The following SNRNP48 variants were observed in gnomAD, a reference collection of about 807,000 sequenced individuals.
SNRNP48 encodes the protein U11/U12 small nuclear ribonucleoprotein 48 kDa protein.
In SNRNP48, 43 loss-of-function variants were observed where a neutral mutation model predicts 47.0. The ratio of observed to expected loss-of-function variants is 0.92; its 90% CI spans 0.72 to 1.18. The LOEUF (loss-of-function observed/expected upper bound fraction) is 1.18. SNRNP48 is among the 50% of genes most tolerant of loss of function. The pLI is 0.00. For missense variants in SNRNP48, 396 were observed against 422.2 expected (o/e 0.94, Z 0.54); for synonymous variants, 138 against 144.0 (o/e 0.96, Z 0.30).
intron 8 of SNRNP48, among the ~76,000 whole-genome samples, chr6:7,608,613 T>C (rs1294221589): frequency 6.6e-6 from 1 of 152,092 alleles, no homozygotes; most frequent in African/African-American, 2.4e-5. Context: ...ATAGGAATAA[T>C]CAAAGTGATT....
At position 7,606,160 on chromosome 6, in the gene SNRNP48, G is replaced by C. The variant is rs1561715725; in HGVS notation, c.936G>C (p.Lys312Asn). ...SPHKRKRNKD[K>N]DKNCESRRRK... ...ATAAAAGAAAAAGAAACAAAGATAAGGATAAAAACTGTGAGTCGAGAAGAA... is the reference window on the plus strand; with the variant it reads ...ATAAAAGAAAAAGAAACAAAGATAACGATAAAAACTGTGAGTCGAGAAGAA... The change falls in exon 8 of 9, where the codon AAG (lysine) becomes AAC (asparagine). Residue 312 changes from lysine (K) to asparagine (N), a missense_variant. Lys to Asn is a moderately conservative substitution (Grantham distance 94). Coordinates refer to ENST00000342415, the MANE Select transcript of SNRNP48 (RefSeq NM_152551.4). 1.2e-6 allele frequency: 2 copies of C among 1,613,028 alleles called. No individual in the cohort carries two copies. Among genetic ancestry groups the C allele is most frequent in the Non-Finnish European group, 1.7e-6 (2 of 1,179,652 alleles).
At chr6:7,595,296 T>TC (rs546853846) in intron 4 of SNRNP48, among the ~76,000 whole-genome samples, 195 bp downstream of exon 4, 265 of 152,304 alleles carry the variant, frequency 1.7e-3, no homozygotes, top group Non-Finnish European at 5.7e-4. Context: ...TACACCAGAG[T>TC]CTCACTAAGA....
Position 7,609,630 on chromosome 6 carries a change from CA to C in SNRNP48, c.*760del, listed in dbSNP as rs2113726101. 1 of 152,178 alleles carries C rather than the reference CA, an allele frequency of 6.6e-6. No individual in the cohort carries two copies. The highest frequency in any genetic ancestry group is 2.1e-4 in the South Asian group (1 of 4,828). 9.4% of individuals were successfully genotyped at this position (152,178 alleles called of 1,614,324 possible). A position where few individuals can be genotyped will look rare whatever the true frequency, so the allele number is the denominator to read the frequency against. On this transcript the variant is annotated 3_prime_UTR_variant, in exon 9 of 9. Transcript: ENST00000342415. ...AGGTATAGATGAGAGATTAGGGGTG[CA>C]AATCAGGATTGGGAGGGTGGTCAGA... is the stretch of plus-strand genomic sequence containing the variant.
rs1405721497 is a variant in SNRNP48, at chr6:7,611,198, G to A, written c.*2325G>A. The A allele has an allele frequency of 1.3e-5, 2 of 152,232 alleles. No individual in the cohort carries two copies. The highest frequency in any genetic ancestry group is 4.8e-5 in the African/African-American group (2 of 41,412). The allele number at this position is 152,232 out of a possible 1,614,324, so 9.4% of individuals were successfully genotyped here. A position where few individuals can be genotyped will look rare whatever the true frequency, so the allele number is the denominator to read the frequency against. On this transcript the variant is annotated 3_prime_UTR_variant, in exon 9 of 9. Transcript: ENST00000342415. ...CTATAGGTGTGTGCCACTACACCTGGCTAATGTTTTTAGTTTTTTAGAGAT... is the reference window on the plus strand; with the variant it reads ...CTATAGGTGTGTGCCACTACACCTGACTAATGTTTTTAGTTTTTTAGAGAT...
At chr6:7,594,972 A>C in intron 3 of SNRNP48, 55 bp from the exon 4 acceptor site, 1 of 1,444,926 alleles carries the variant, frequency 6.9e-7, no homozygotes, top group South Asian at 1.3e-5. Context: ...TTAATAATTT[A>C]ATTGTGGTCA....
chr6:7,603,863 C>T (rs998447537), intron 6 of SNRNP48, among the ~76,000 whole-genome samples: 1 of 152,250 alleles, frequency 6.6e-6, no homozygotes, highest in Non-Finnish European at 1.5e-5. Flanking sequence ...TCTCTCGTCT[C>T]ATAACCCTTG....
chr6:7,599,901 G>T (rs4959444), intron 4 of SNRNP48: 194,335 of 998,782 alleles, frequency 0.19, 21,469 homozygotes, highest in East Asian at 0.48. Context: ...TGAAGAAAAG[G>T]CTAAAATAAT....
At position 7,605,456 on chromosome 6, in the gene SNRNP48, A is replaced by G. The variant is rs756830531; in HGVS notation, c.776A>G (p.Glu259Gly). 1 of 1,614,150 alleles carries G rather than the reference A, an allele frequency of 6.2e-7. No homozygotes were observed. Residue 259 changes from glutamate (E) to glycine (G), a missense_variant, in exon 7 of 9, where the codon GAG becomes GGG. By Grantham distance (98) the Glu-to-Gly change is moderately conservative. Coordinates refer to ENST00000342415, the MANE Select transcript of SNRNP48 (RefSeq NM_152551.4). Reference sequence around the variant, plus strand: ...GAACTCAGCAATCATTGGCAAGAAGAGCAAGAGAAGGCAGAGGATGATGCC... The same window carrying G: ...GAACTCAGCAATCATTGGCAAGAAGGGCAAGAGAAGGCAGAGGATGATGCC... ...MEELSNHWQE[E>G]QEKAEDDAEK...
rs1463678151 is a variant in SNRNP48, at chr6:7,595,038, C to A, written c.343C>A (p.Gln115Lys). ...IPSITLNKDS[Q>K]FQIIKQARTA... Reference sequence around the variant, plus strand: ...TTTTTTTTTGACAGATAAGGACTCACAATTCCAGATAATTAAACAAGCTAG... The same window carrying A: ...TTTTTTTTTGACAGATAAGGACTCAAAATTCCAGATAATTAAACAAGCTAG... The change falls in exon 4 of 9, where the codon CAA becomes AAA. Residue 115 changes from glutamine to lysine, a missense_variant. Physicochemically the swap from Gln to Lys is moderately conservative, Grantham distance 53 (BLOSUM62 1). Transcript: ENST00000342415. 8 of 1,592,206 alleles carry A rather than the reference C, an allele frequency of 5.0e-6. No individual in the cohort carries two copies. The highest frequency in any genetic ancestry group is 6.8e-6 in the Non-Finnish European group (8 of 1,172,450).
intron 2 of SNRNP48, 115 bp downstream of exon 2, chr6:7,593,962 G>T (rs981651181): frequency 4.0e-6 from 4 of 997,838 alleles, no homozygotes; most frequent in Non-Finnish European, 5.9e-6. Context: ...GCCCTTACTT[G>T]AAGGGTTGGT....
intron 1 of SNRNP48, among the ~76,000 whole-genome samples, chr6:7,592,523 G>T (rs1759835981): frequency 2.0e-5 from 3 of 152,082 alleles, no homozygotes; most frequent in Admixed American, 2.0e-4. Context: ...ATTCCTTTAT[G>T]TGTATAAACT....
chr6:7,595,231 C>A, intron 4 of SNRNP48, 130 bp downstream of exon 4: 1 of 724,780 alleles, frequency 1.4e-6, no homozygotes, highest in Non-Finnish European at 2.2e-6. Context: ...TTACATTTAA[C>A]ATTGGGCTAA....
At chr6:7,608,755 A>AAGTGGTGTATTACTGTTGAG in intron 8 of SNRNP48, 70 bp from the exon 9 acceptor site, 1 of 904,130 alleles carries the variant, frequency 1.1e-6, no homozygotes, top group Non-Finnish European at 1.6e-6. Flanking sequence ...TTACTGTTGA[A>AAGTGGTGTATTACTGTTGAG]TTATTTTAAA....
chr6:7,610,826 G>A lies in SNRNP48; in HGVS notation c.*1953G>A, dbSNP rs1451379965. On this transcript the variant is annotated 3_prime_UTR_variant, in exon 9 of 9. Transcript: ENST00000342415. ...ACGAATTAATCTCACGTACTTCCCT[G>A]TTTGTGGTTTGAGCCTTTCACTGGA... 2 of 152,244 alleles carry A rather than the reference G, an allele frequency of 1.3e-5. No homozygotes were observed. The highest frequency in any genetic ancestry group is 1.3e-4 in the Admixed American group (2 of 15,286). The allele number at this position is 152,244 out of a possible 1,614,324, so 9.4% of individuals were successfully genotyped here. A position where few individuals can be genotyped will look rare whatever the true frequency, so the allele number is the denominator to read the frequency against.
At chr6:7,594,198 G>A (rs777849659) in intron 3 of SNRNP48, 39 bp downstream of exon 3, 4 of 1,002,986 alleles carry the variant, frequency 4.0e-6, no homozygotes, top group Non-Finnish European at 5.7e-6. Context: ...ATATCTTAGT[G>A]TAGATATTGA....
chr6:7,606,034 T>A lies in SNRNP48; in HGVS notation c.810T>A (p.Asn270Lys). 6.3e-7 allele frequency: 1 copy of A among 1,595,040 alleles called. No individual in the cohort carries two copies. Among genetic ancestry groups the A allele is most frequent in the South Asian group, 1.1e-5 (1 of 87,610 alleles). Residue 270 changes from asparagine to lysine, a missense_variant, in exon 8 of 9, where the codon AAT (asparagine) becomes AAA (lysine). Coordinates refer to ENST00000342415, the MANE Select transcript of SNRNP48 (RefSeq NM_152551.4). ...QEKAEDDAEK[N>K]EERRSASVDS... Reference sequence around the variant, plus strand: ...AACATTCTTTTCTGTGTTTTAGGAATGAAGAAAGGCGATCAGCTTCAGTAG... The same window carrying A: ...AACATTCTTTTCTGTGTTTTAGGAAAGAAGAAAGGCGATCAGCTTCAGTAG...
At chr6:7,591,000 A>G (rs1254951789) in intron 1 of SNRNP48, among the ~76,000 whole-genome samples, 3 of 152,190 alleles carry the variant, frequency 2.0e-5, no homozygotes, top group Non-Finnish European at 4.4e-5. Flanking sequence ...AACAAAATCC[A>G]GGAAGGTGTG....
intron 4 of SNRNP48, 94 bp downstream of exon 4, chr6:7,595,195 A>G: frequency 9.4e-7 from 1 of 1,068,914 alleles, no homozygotes; most frequent in Non-Finnish European, 1.3e-6. Context: ...AACCTGTGAA[A>G]ACTGTTACAT....
At chr6:7,601,130 ATT>A (rs11306344) in intron 4 of SNRNP48, 14,364 of 345,808 alleles carry the variant, frequency 0.042, 80 homozygotes, top group African/African-American at 0.074. Context: ...TCCATAATAC[ATT>A]TTTTTTTTTT....
Sources: allele counts gnomAD v4.1 joint callset (sites outside exome capture counted in the v4.1 genomes callset), GRCh38; gene constraint gnomAD v4.1.1; transcripts MANE v1.5; gene names NCBI Gene and HGNC (gene_info 2026-07-23, HGNC 2026-07-21).